The following KCNG3 variants were observed in gnomAD, a reference collection of about 807,000 sequenced individuals.
KCNG3 encodes voltage-gated potassium channel regulatory subunit KCNG3.
A neutral mutation model predicts 29.0 loss-of-function variants in KCNG3; 15 were observed. The observed-to-expected ratio is 0.52, with a 90% CI of 0.35 to 0.80. The LOEUF (loss-of-function observed/expected upper bound fraction) is 0.80. Ranked by LOEUF, KCNG3 falls within the 30% of genes least tolerant of loss-of-function variation. The probability of loss-of-function intolerance (pLI) is 0.01; values close to 1 mark genes in which losing one functional copy is unlikely to be tolerated. For missense variants in KCNG3, 512 were observed against 605.7 expected (o/e 0.85, Z 1.62); for synonymous variants, 322 against 248.9 (o/e 1.29, Z -2.76).
chr2:42,489,825 C>G (rs753893120), intron 1 of KCNG3, among the ~76,000 whole-genome samples: 4 of 152,184 alleles, frequency 2.6e-5, no homozygotes, highest in Non-Finnish European at 5.9e-5. Flanking sequence ...CTGTGCCCTT[C>G]CAATGCCCTG....
chr2:42,418,114 C>T, the KCNG3 span, among the ~76,000 whole-genome samples: 1 of 152,002 alleles, frequency 6.6e-6, no homozygotes, highest in Non-Finnish European at 1.5e-5. Flanking sequence ...ACCATCACCA[C>T]TATCTATTTC....
chr2:42,471,182 G>GTATA (rs1181148985), intron 1 of KCNG3, among the ~76,000 whole-genome samples: 2 of 147,492 alleles, frequency 1.4e-5, no homozygotes, highest in African/African-American at 2.6e-5. Flanking sequence ...GTGTGTGTGT[G>GTATA]TGTATATATA....
intron 1 of KCNG3, among the ~76,000 whole-genome samples, chr2:42,486,253 G>A (rs892368626): frequency 2.0e-5 from 3 of 152,146 alleles, no homozygotes; most frequent in Middle Eastern, 3.2e-3. Flanking sequence ...TCCTAGTCCT[G>A]GTAGGTGAGC....
chr2:42,422,131 T>C, the KCNG3 span, among the ~76,000 whole-genome samples: 2 of 152,158 alleles, frequency 1.3e-5, no homozygotes, highest in African/African-American at 4.8e-5. Flanking sequence ...GTATCAAACA[T>C]TACCAATTGC....
At chr2:42,410,983 G>A in the KCNG3 span, among the ~76,000 whole-genome samples, 7 of 152,140 alleles carry the variant, frequency 4.6e-5, no homozygotes, top group East Asian at 1.9e-4. Flanking sequence ...TATGCTTTGC[G>A]GGTGCCAATT....
chr2:42,486,377 C>T (rs563034538), intron 1 of KCNG3, among the ~76,000 whole-genome samples: 1 of 152,364 alleles, frequency 6.6e-6, no homozygotes, highest in African/African-American at 2.4e-5. Flanking sequence ...TGCCAGGTCT[C>T]TCCACATCTG....
At chr2:42,473,957 G>A (rs1409640054) in intron 1 of KCNG3, among the ~76,000 whole-genome samples, 1 of 151,982 alleles carries the variant, frequency 6.6e-6, no homozygotes, top group Non-Finnish European at 1.5e-5. Flanking sequence ...TTCGAGACCA[G>A]CCTGGCCAAC....
At chr2:42,414,192 T>C in the KCNG3 span, among the ~76,000 whole-genome samples, 1 of 152,244 alleles carries the variant, frequency 6.6e-6, no homozygotes, top group East Asian at 1.9e-4. Flanking sequence ...ATCATGCTCT[T>C]TCCTTTTGGA....
At chr2:42,389,854 G>C in the KCNG3 span, among the ~76,000 whole-genome samples, 9 of 152,316 alleles carry the variant, frequency 5.9e-5, no homozygotes, top group African/African-American at 2.2e-4. Context: ...GTTATCAACT[G>C]CAAGAAAGTC....
chr2:42,432,308 C>T, the KCNG3 span, among the ~76,000 whole-genome samples: 1 of 152,226 alleles, frequency 6.6e-6, no homozygotes, highest in African/African-American at 2.4e-5. Flanking sequence ...CCATCAAGTC[C>T]TGTTTTTGGA....
the KCNG3 span, among the ~76,000 whole-genome samples, chr2:42,397,825 A>G: frequency 0.11 from 17,122 of 152,282 alleles, 1,092 homozygotes; most frequent in South Asian, 0.26. Context: ...TGTGTTATGC[A>G]TGAGAAAATC....
At chr2:42,476,118 T>G (rs1673418324) in intron 1 of KCNG3, among the ~76,000 whole-genome samples, 4 of 152,116 alleles carry the variant, frequency 2.6e-5, no homozygotes. Flanking sequence ...ACTTTTTAAA[T>G]AAAGTAAGTA....
intron 1 of KCNG3, among the ~76,000 whole-genome samples, chr2:42,465,205 ATTTC>A (rs754872067): frequency 9.2e-4 from 139 of 151,320 alleles, no homozygotes; most frequent in African/African-American, 2.7e-3. Flanking sequence ...AGAGTATTTA[ATTTC>A]TTTCTTTCTT....
At chr2:42,434,115 T>A in the KCNG3 span, among the ~76,000 whole-genome samples, 31 of 152,224 alleles carry the variant, frequency 2.0e-4, no homozygotes, top group African/African-American at 7.2e-4. Flanking sequence ...CCAACTAAAT[T>A]TTTTTGCAGA....
the KCNG3 span, among the ~76,000 whole-genome samples, chr2:42,425,642 T>C: frequency 9.2e-5 from 14 of 152,156 alleles, no homozygotes; most frequent in Non-Finnish European, 1.6e-4. Flanking sequence ...ACTCAACATG[T>C]ACTACGTGCC....
chr2:42,481,622 A>G (rs558051629), intron 1 of KCNG3, among the ~76,000 whole-genome samples: 8 of 152,186 alleles, frequency 5.3e-5, no homozygotes, highest in Non-Finnish European at 1.0e-4. Context: ...AAATCCTTTT[A>G]GTTGGTGCAT....
At chr2:42,432,016 G>C in the KCNG3 span, among the ~76,000 whole-genome samples, 1 of 148,518 alleles carries the variant, frequency 6.7e-6, no homozygotes, top group Admixed American at 6.9e-5. Flanking sequence ...TCCAGCCTGG[G>C]TGACAGAGCA....
intron 1 of KCNG3, among the ~76,000 whole-genome samples, chr2:42,469,416 C>CA (rs57425538): frequency 0.058 from 4,280 of 74,226 alleles, 243 homozygotes; most frequent in African/African-American, 0.17. Context: ...GACTCTGTCT[C>CA]AAAAAAAAAA....
the KCNG3 span, among the ~76,000 whole-genome samples, chr2:42,427,604 C>CA: frequency 5.0e-3 from 543 of 107,816 alleles, 1 homozygote; most frequent in African/African-American, 0.011. Flanking sequence ...GACCCTGTCT[C>CA]AAAAAAAAAA....
Sources: allele counts gnomAD v4.1 joint callset (sites outside exome capture counted in the v4.1 genomes callset), GRCh38; gene constraint gnomAD v4.1.1; transcripts MANE v1.5; gene names NCBI Gene and HGNC (gene_info 2026-07-23, HGNC 2026-07-21).